Variants in NELL1 observed in about 807,000 individuals in gnomAD.
NELL1 encodes the protein protein kinase C-binding protein NELL1.
Under a neutral mutation model 107.4 loss-of-function variants are expected in NELL1, and 76 were observed. The observed-to-expected ratio is 0.71, with a 90% CI of 0.59 to 0.86. The LOEUF (loss-of-function observed/expected upper bound fraction) is 0.86, where lower values mean the gene tolerates loss of function less well. NELL1 is among the 40% of genes least tolerant of loss of function. NELL1 has a pLI of 0.00. For missense variants in NELL1, 1,024 were observed against 1,005.5 expected (o/e 1.02, Z -0.25); for synonymous variants, 353 against 341.2 (o/e 1.03, Z -0.38).
At position 21,442,977 on chromosome 11, in the gene NELL1, T is replaced by C. The variant is rs187725959; in HGVS notation, c.1645+72029T>C. Among the ~76,000 whole-genome samples the C allele has an allele frequency of 3.5e-3, 471 of 134,000 alleles. 2 individuals carry two copies. The highest frequency in any genetic ancestry group is 0.013 in the African/African-American group (452 of 35,964). 87.9% of individuals were successfully genotyped at this position (134,000 alleles called of 152,430 possible). On this transcript the variant is annotated intron_variant, in intron 15 of 19. Transcript: ENST00000357134. ...TTTTTTTTTTTTTTTGCATTCATTC[T>C]ACATTCCCTATTTTATTCCATGTTT...
chr11:21,533,050 G>A (rs1248154225), intron 15 of NELL1, among the ~76,000 whole-genome samples: 2 of 152,118 alleles, frequency 1.3e-5, no homozygotes, highest in Admixed American at 6.6e-5. Flanking sequence ...TAGGCCCTAG[G>A]GACTGAGGGC....
intron 2 of NELL1, among the ~76,000 whole-genome samples, chr11:20,684,055 G>C (rs1284949697): frequency 7.3e-6 from 1 of 136,682 alleles, no homozygotes; most frequent in Non-Finnish European, 1.6e-5. Flanking sequence ...ACAATTACAT[G>C]TATATATTTG....
At chr11:20,963,058 A>G (rs1345074053) in intron 12 of NELL1, among the ~76,000 whole-genome samples, 1 of 152,158 alleles carries the variant, frequency 6.6e-6, no homozygotes. Context: ...TCCTTCTGCC[A>G]TCTTCAGCAT....
intron 13 of NELL1, among the ~76,000 whole-genome samples, chr11:21,189,661 T>C (rs1256541081): frequency 2.1e-5 from 3 of 142,548 alleles, no homozygotes; most frequent in South Asian, 2.3e-4. Context: ...TGAAATATTT[T>C]AGTTGTCTGT....
chr11:21,468,446 A>G (rs1240780020), intron 15 of NELL1, among the ~76,000 whole-genome samples: 4 of 152,014 alleles, frequency 2.6e-5, no homozygotes, highest in Non-Finnish European at 5.9e-5. Context: ...TTTTGAGCCA[A>G]TAAGTTGGCA....
intron 4 of NELL1, among the ~76,000 whole-genome samples, chr11:20,857,440 C>T (rs7119548): frequency 0.62 from 93,950 of 152,078 alleles, 31,460 homozygotes; most frequent in Non-Finnish European, 0.75. Flanking sequence ...TCTTCAGCCC[C>T]GAGGCTCCCA....
chr11:20,736,134 G>A (rs748085746), intron 2 of NELL1, among the ~76,000 whole-genome samples: 1 of 152,182 alleles, frequency 6.6e-6, no homozygotes, highest in Non-Finnish European at 1.5e-5. Flanking sequence ...GAAATAAGAA[G>A]TGAGGTCATC....
At chr11:21,004,788 G>A (rs983644397) in intron 12 of NELL1, among the ~76,000 whole-genome samples, 7 of 152,008 alleles carry the variant, frequency 4.6e-5, no homozygotes, top group African/African-American at 9.7e-5. Flanking sequence ...TTAAAAAATC[G>A]TGTGTCCAAA....
At chr11:21,218,280 T>C (rs1395627660) in intron 13 of NELL1, among the ~76,000 whole-genome samples, 1 of 152,126 alleles carries the variant, frequency 6.6e-6, no homozygotes, top group Admixed American at 6.6e-5. Context: ...GCCTATCTGT[T>C]CACAACCATT....
intron 14 of NELL1, among the ~76,000 whole-genome samples, chr11:21,357,980 C>T (rs1850977396): frequency 6.6e-6 from 1 of 152,194 alleles, no homozygotes; most frequent in African/African-American, 2.4e-5. Flanking sequence ...TTTCTGCTTT[C>T]TCTATTCTGT....
intron 15 of NELL1, among the ~76,000 whole-genome samples, chr11:21,489,280 T>A (rs1273620720): frequency 1.4e-5 from 2 of 143,520 alleles, no homozygotes; most frequent in African/African-American, 5.2e-5. Flanking sequence ...ATTGAATCAG[T>A]AATATAAAGT....
intron 5 of NELL1, among the ~76,000 whole-genome samples, chr11:20,899,070 C>T (rs74789760): frequency 0.012 from 1,861 of 152,176 alleles, 12 homozygotes; most frequent in Middle Eastern, 0.024. Context: ...ACATACTTCT[C>T]GCAATAACTT....
intron 2 of NELL1, among the ~76,000 whole-genome samples, chr11:20,777,620 A>G (rs115008411): frequency 4.9e-4 from 75 of 152,350 alleles, no homozygotes; most frequent in African/African-American, 1.8e-3. Flanking sequence ...TCAGAAATGA[A>G]AAGCCAACTG....
chr11:21,290,486 A>G (rs1166122960), intron 14 of NELL1, among the ~76,000 whole-genome samples: 1 of 152,140 alleles, frequency 6.6e-6, no homozygotes, highest in East Asian at 1.9e-4. Flanking sequence ...ACAGTTCTCA[A>G]CCTCTGCTAA....
At chr11:21,099,054 T>G (rs928332485) in intron 12 of NELL1, among the ~76,000 whole-genome samples, 3 of 152,264 alleles carry the variant, frequency 2.0e-5, no homozygotes, top group Middle Eastern at 3.4e-3. Flanking sequence ...ATCTTTGTTA[T>G]CAGCCTTTTA....
intron 13 of NELL1, among the ~76,000 whole-genome samples, chr11:21,133,772 C>A (rs913748679): frequency 6.6e-6 from 1 of 152,176 alleles, no homozygotes; most frequent in African/African-American, 2.4e-5. Flanking sequence ...AGAGCAAGCA[C>A]TTCCAAGCCT....
intron 15 of NELL1, among the ~76,000 whole-genome samples, chr11:21,445,281 GTTTGT>G (rs958311049): frequency 8.6e-5 from 13 of 151,576 alleles, no homozygotes; most frequent in African/African-American, 3.1e-4. Context: ...GGTTTTTTTT[GTTTGT>G]TTTGTTTTGT....
At chr11:21,363,190 C>T (rs1308455321) in intron 14 of NELL1, among the ~76,000 whole-genome samples, 1 of 152,180 alleles carries the variant, frequency 6.6e-6, no homozygotes, top group Non-Finnish European at 1.5e-5. Context: ...TTCCCAATTC[C>T]ACTGGTTGCC....
intron 12 of NELL1, among the ~76,000 whole-genome samples, chr11:20,975,899 T>C (rs947505758): frequency 9.5e-6 from 1 of 104,832 alleles, no homozygotes; most frequent in African/African-American, 4.0e-5. Flanking sequence ...TATATATACA[T>C]ATATGTGTAT....
Sources: gnomAD v4.1 joint callset for allele counts (sites outside exome capture counted in the v4.1 genomes callset) on GRCh38, gnomAD v4.1.1 for gene constraint, MANE v1.5 for transcripts, NCBI Gene and HGNC (gene_info 2026-07-23, HGNC 2026-07-21) for gene names.